Variants in TNRC18 observed in about 807,000 individuals in gnomAD.
The protein encoded by TNRC18 is trinucleotide repeat-containing gene 18 protein.
In TNRC18, 69 loss-of-function variants were observed where a neutral mutation model predicts 226.7. The ratio of observed to expected loss-of-function variants is 0.30; its 90% CI spans 0.25 to 0.37. The LOEUF (loss-of-function observed/expected upper bound fraction) is 0.37, where lower values mean the gene tolerates loss of function less well. Ranked by LOEUF, TNRC18 falls within the 10% of genes least tolerant of loss-of-function variation. The pLI, the probability that TNRC18 is intolerant of heterozygous loss-of-function variation, is 1.00. For missense variants in TNRC18, 4,754 were observed against 4,256.6 expected, an observed-to-expected ratio of 1.12 and a Z score of -3.25; for synonymous variants, 2,449 against 1,927.6, an observed-to-expected ratio of 1.27 and a Z score of -7.09.
At chr7:5,316,272 GTC>G (rs1362378871) in intron 24 of TNRC18, among the ~76,000 whole-genome samples, 200 bp from the exon 25 acceptor site, 12 of 76,694 alleles carry the variant, frequency 1.6e-4, no homozygotes, top group Non-Finnish European at 2.6e-4. Flanking sequence ...GGAGAAATGG[GTC>G]TTTTTTTTTT....
intron 11 of TNRC18, among the ~76,000 whole-genome samples, chr7:5,367,681 G>C (rs534553664): frequency 3.3e-5 from 5 of 151,782 alleles, no homozygotes; most frequent in Admixed American, 1.3e-4. Context: ...GCCCGCCTCG[G>C]CCTCCCAAAA....
rs1050488615 is a variant in TNRC18 at position 5,313,407 on chromosome 7, G to A, written c.7484C>T (p.Pro2495Leu). 2 of 1,597,294 alleles carry A rather than the reference G, an allele frequency of 1.3e-6. No individual in the cohort carries two copies. The highest frequency in any genetic ancestry group is 2.3e-5 in the East Asian group (1 of 44,128). Reference sequence around the variant, plus strand: ...GCTGCCCAGGCTCAGGAGGCTCTTGGGCTCCTGCCAGCCCCCCGCCCCCGG... The same window carrying A: ...GCTGCCCAGGCTCAGGAGGCTCTTGAGCTCCTGCCAGCCCCCCGCCCCCGG... ...EDPGAGGWQE[P>L]KSLLSLGSYP... The change falls in exon 27 of 30, where the codon CCC becomes CTC. Residue 2495 changes from proline (P) to leucine (L), a missense_variant. Pro to Leu is a moderately conservative substitution (Grantham distance 98). Coordinates refer to ENST00000430969, the MANE Select transcript of TNRC18 (RefSeq NM_001080495.3).
At chr7:5,320,730 T>C (rs1788264750) in intron 22 of TNRC18, 123 bp from the exon 23 acceptor site, 7 of 810,072 alleles carry the variant, frequency 8.6e-6, no homozygotes, top group Non-Finnish European at 1.4e-5. Context: ...AGAGGTTTGC[T>C]GACTTGCTGA....
chr7:5,317,054 A>T (rs1787920157), intron 24 of TNRC18, among the ~76,000 whole-genome samples: 1 of 152,098 alleles, frequency 6.6e-6, no homozygotes, highest in Non-Finnish European at 1.5e-5. Context: ...CTCTTCCCAA[A>T]CGCCAGATGC....
chr7:5,341,678 C>T (rs1237185075), intron 18 of TNRC18, among the ~76,000 whole-genome samples: 1 of 149,184 alleles, frequency 6.7e-6, no homozygotes, highest in African/African-American at 2.5e-5. Flanking sequence ...GCAGAAAAAT[C>T]GCTTGAACCT....
chr7:5,399,362 C>A (rs1463406756), intron 2 of TNRC18, among the ~76,000 whole-genome samples: 1 of 152,220 alleles, frequency 6.6e-6, no homozygotes, highest in Non-Finnish European at 1.5e-5. Flanking sequence ...GCCGCCTACT[C>A]ACCCCAGTTA....
chr7:5,311,207 T>C (rs929250329), intron 27 of TNRC18, among the ~76,000 whole-genome samples: 7 of 152,164 alleles, frequency 4.6e-5, no homozygotes, highest in Non-Finnish European at 5.9e-5. Flanking sequence ...CGTGTGTGTG[T>C]GCATGTGCCC....
Position 5,310,933 on chromosome 7 carries a change from C to T in TNRC18, c.8389-1565G>A, listed in dbSNP as rs569371677. ...ACGTGTTCATGTGTGTGCACGTGTT[C>T]GTGTGTGCACGTGTTTGTGTGTGTG... On this transcript the variant is annotated intron_variant, in intron 27 of 29. Transcript: ENST00000430969. Among the ~76,000 whole-genome samples, 579 of 152,112 alleles carry T rather than the reference C, an allele frequency of 3.8e-3. 11 individuals carry two copies. Among genetic ancestry groups the T allele is most frequent in the Middle Eastern group, 0.017 (5 of 294 alleles).
rs1206742092 is a variant in TNRC18, at chr7:5,313,014, G to C, written c.7877C>G (p.Ser2626Cys). 1 of 847,612 alleles carries C rather than the reference G, an allele frequency of 1.2e-6. No homozygotes were observed. Among genetic ancestry groups the C allele is most frequent in the Non-Finnish European group, 1.9e-6 (1 of 528,590 alleles). 52.5% of individuals were successfully genotyped at this position (847,612 alleles called of 1,614,324 possible). Residue 2626 changes from serine (S) to cysteine (C), a missense_variant, in exon 27 of 30, where the codon TCC (serine) becomes TGC (cysteine). Transcript: ENST00000430969. The part of the protein sequence containing the change: ...SSSSSSSSSS[S>C]SSSSSSSSSS... ...GGAGGAAGAGGAGGATGAGGAGGAG[G>C]AGGAGGAGGAGGAGGAGGATGAGGA...
At position 5,370,517 on chromosome 7, in the gene TNRC18, G is replaced by A. The variant is rs1165484649; in HGVS notation, c.4077C>T (p.Ser1359=). The A allele has an allele frequency of 2.5e-6, 4 of 1,600,010 alleles. No individual in the cohort carries two copies. The highest frequency in any genetic ancestry group is 3.4e-6 in the Non-Finnish European group (4 of 1,173,614). ...AELPQARPLP[S]PGAAGAQALE... ...AGGCCTGGGCTCCAGCAGCACCCGG[G>A]GAGGGCAGAGGCCTGGCCTGGGGCA... Residue 1359 remains serine (S), a synonymous_variant, in exon 11 of 30, where the codon TCC becomes TCT. Transcript: ENST00000430969.
Position 5,370,988 on chromosome 7 carries a change from C to T in TNRC18, c.3606G>A (p.Glu1202=). 6.2e-7 allele frequency: 1 copy of T among 1,606,600 alleles called. No homozygotes were observed. The highest frequency in any genetic ancestry group is 8.5e-7 in the Non-Finnish European group (1 of 1,179,728). Residue 1202 remains glutamate (E), a synonymous_variant, in exon 11 of 30, where the codon GAG becomes GAA. Transcript: ENST00000430969. ...GCCCGGTGGCACTCAGCGCCTGGGC[C>T]TCCAACAGGCCACCTCCACAACCCC... is the stretch of plus-strand genomic sequence containing the variant. The part of the protein sequence containing the change: ...PAGGCGGGLL[E]AQALSATGQS...
chr7:5,415,031 C>G (rs1782089833), intron 2 of TNRC18, among the ~76,000 whole-genome samples: 1 of 152,094 alleles, frequency 6.6e-6, no homozygotes, highest in South Asian at 2.1e-4. Context: ...TGAAATGTCC[C>G]TCAATTTCAA....
At chr7:5,331,971 T>C (rs1789569226) in intron 19 of TNRC18, among the ~76,000 whole-genome samples, 1 of 152,174 alleles carries the variant, frequency 6.6e-6, no homozygotes, top group Admixed American at 6.5e-5. Context: ...CAGATGTGTT[T>C]ATTAATTAAA....
chr7:5,313,100 G>T lies in TNRC18; in HGVS notation c.7791C>A (p.Thr2597=). The T allele has an allele frequency of 7.2e-7, 1 of 1,392,852 alleles. No individual in the cohort carries two copies. The highest frequency in any genetic ancestry group is 9.9e-7 in the Non-Finnish European group (1 of 1,014,106). 86.3% of individuals were successfully genotyped at this position (1,392,852 alleles called of 1,614,324 possible). The change falls in exon 27 of 30, where the codon ACC becomes ACA. Residue 2597 remains threonine (T), a synonymous_variant. Transcript: ENST00000430969. ...TGGCAGCGCTGCAGTTACGGCCCCC[G>T]GTGCCGCAGCCCCCGTCCCCGTTCT... is the stretch of plus-strand genomic sequence containing the variant. ...GDKNGDGGCG[T]GGRNCSAASS...
At chr7:5,310,264 CTA>C (rs1787040995) in intron 27 of TNRC18, among the ~76,000 whole-genome samples, 1 of 152,142 alleles carries the variant, frequency 6.6e-6, no homozygotes, top group South Asian at 2.1e-4. Context: ...AAGTCTCACT[CTA>C]TCGCCCAGGC....
intron 19 of TNRC18, among the ~76,000 whole-genome samples, chr7:5,329,781 T>G (rs200732165): frequency 4.6e-4 from 2 of 4,350 alleles, no homozygotes; most frequent in African/African-American, 9.3e-4. Flanking sequence ...GGACGTAGCT[T>G]TAGCTTCAGT....
At chr7:5,349,367 G>C (rs762585955) in intron 17 of TNRC18, among the ~76,000 whole-genome samples, 1 of 152,106 alleles carries the variant, frequency 6.6e-6, no homozygotes, top group African/African-American at 2.4e-5. Context: ...GGACAGGGAG[G>C]GGGGAAAAAA....
intron 3 of TNRC18, among the ~76,000 whole-genome samples, chr7:5,391,581 G>A (rs547207967): frequency 7.9e-5 from 12 of 152,004 alleles, no homozygotes; most frequent in African/African-American, 2.9e-4. Context: ...AAAGTGCTGG[G>A]ATTACAGGTG....
In TNRC18 at chr7:5,388,325, C is replaced by T. The variant is rs1181301342; in HGVS notation, c.1499G>A (p.Arg500His). The part of the protein sequence containing the change: ...AAKLFGLEPG[R>H]PPPTGPEHKW... ...ATGCTCAGGGCCGGTGGGCGGGGGG[C>T]GCCCGGGCTCCAGGCCGAAGAGCTT... Residue 500 changes from arginine to histidine, a missense_variant, in exon 5 of 30, where the codon CGC (arginine) becomes CAC (histidine). Transcript: ENST00000430969. 1.3e-6 allele frequency: 2 copies of T among 1,599,506 alleles called. No homozygotes were observed. Among genetic ancestry groups the T allele is most frequent in the South Asian group, 1.1e-5 (1 of 89,438 alleles).
Sources: allele counts gnomAD v4.1 joint callset (sites outside exome capture counted in the v4.1 genomes callset), GRCh38; gene constraint gnomAD v4.1.1; transcripts MANE v1.5; gene names NCBI Gene and HGNC (gene_info 2026-07-23, HGNC 2026-07-21).